Variants in CCSER2 observed in about 807,000 individuals in gnomAD.
CCSER2 encodes the protein coiled-coil serine rich protein 2.
CCSER2 carries 46 observed loss-of-function variants against 92.3 expected under a neutral mutation model. The observed-to-expected ratio is 0.50, with a 90% CI of 0.39 to 0.64. The LOEUF is 0.64. Ranked by LOEUF, CCSER2 falls within the 30% of genes least tolerant of loss-of-function variation. The pLI, the probability that CCSER2 is intolerant of heterozygous loss-of-function variation, is 0.00. For synonymous variants in CCSER2, 433 were observed against 431.4 expected, an observed-to-expected ratio of 1.00 and a Z score of -0.04; for missense variants, 1,244 against 1,238.9, an observed-to-expected ratio of 1.00 and a Z score of -0.06.
rs1849500573 is a variant in CCSER2, at chr10:84,513,928, A to G, written c.2805A>G (p.Pro935=). 1 of 1,536,666 alleles carries G rather than the reference A, an allele frequency of 6.5e-7. No individual in the cohort carries two copies. Among genetic ancestry groups the G allele is most frequent in the Non-Finnish European group, 8.7e-7 (1 of 1,147,006 alleles). Residue 935 remains proline (P), a synonymous_variant, in exon 10 of 10, where the codon CCA becomes CCG. Coordinates refer to ENST00000372088, the MANE Select transcript of CCSER2 (RefSeq NM_001284240.2). The stretch of plus-strand genomic sequence containing the variant: ...TATTGAGTTCTTTGGTACCGCCTCC[A>G]GTTTCTGAATCATCTCCAAGTAGGA... The part of the protein sequence containing the change: ...PSILSSLVPP[P]VSESSPSRTP...
chr10:84,498,204 G>T (rs770121995), intron 9 of CCSER2, among the ~76,000 whole-genome samples: 3 of 152,174 alleles, frequency 2.0e-5, no homozygotes, highest in Non-Finnish European at 2.9e-5. Flanking sequence ...TCTGCAAAAC[G>T]CATAGGGAGG....
At chr10:84,429,872 GA>G (rs76476227) in intron 5 of CCSER2, among the ~76,000 whole-genome samples, 75,807 of 145,994 alleles carry the variant, frequency 0.52, 21,006 homozygotes, top group East Asian at 0.67. Context: ...CAAAAAATTT[GA>G]AAAAAAAAAA....
At chr10:84,364,746 GTT>G (rs34211688) in intron 1 of CCSER2, among the ~76,000 whole-genome samples, 1 of 139,442 alleles carries the variant, frequency 7.2e-6, no homozygotes, top group African/African-American at 2.6e-5. Context: ...ATTTTTTTTT[GTT>G]TTTTTTTTTT....
chr10:84,392,316 CAAAA>C (rs71473611), intron 3 of CCSER2, among the ~76,000 whole-genome samples: 2 of 53,858 alleles, frequency 3.7e-5, no homozygotes, highest in African/African-American at 9.6e-5. Flanking sequence ...TCTGAAGAAG[CAAAA>C]AAAAAAAAAA....
chr10:84,350,972 G>A (rs1281682560), intron 1 of CCSER2, among the ~76,000 whole-genome samples: 1 of 152,090 alleles, frequency 6.6e-6, no homozygotes, highest in Non-Finnish European at 1.5e-5. Context: ...TATAATCTTT[G>A]GTCCAGTCAT....
At chr10:84,510,569 G>A (rs1390573423) in intron 9 of CCSER2, among the ~76,000 whole-genome samples, 1 of 152,130 alleles carries the variant, frequency 6.6e-6, no homozygotes, top group African/African-American at 2.4e-5. Context: ...ATGAGGATAT[G>A]GGATCTTTTT....
intron 3 of CCSER2, among the ~76,000 whole-genome samples, chr10:84,399,506 G>A (rs1425534343): frequency 1.3e-5 from 2 of 152,068 alleles, no homozygotes; most frequent in African/African-American, 2.4e-5. Flanking sequence ...ATTAGAAGTC[G>A]GGATGAGTGT....
intron 1 of CCSER2, among the ~76,000 whole-genome samples, chr10:84,332,572 G>A (rs1035427925): frequency 7.3e-5 from 11 of 149,916 alleles, no homozygotes; most frequent in African/African-American, 1.2e-4. Context: ...CCCAGTAGCT[G>A]GGACTACAGG....
chr10:84,497,207 G>A (rs560672217), intron 9 of CCSER2, among the ~76,000 whole-genome samples: 2 of 152,334 alleles, frequency 1.3e-5, no homozygotes, highest in East Asian at 3.9e-4. Flanking sequence ...ATTTAGGCAG[G>A]ATCAGGAAAA....
intron 6 of CCSER2, among the ~76,000 whole-genome samples, chr10:84,457,300 TAA>T (rs1845741805): frequency 3.1e-5 from 2 of 63,512 alleles, no homozygotes; most frequent in South Asian, 3.5e-4. Context: ...ATATTATATA[TAA>T]TATGTTATAT....
At chr10:84,400,544 G>T (rs1275094730) in intron 3 of CCSER2, among the ~76,000 whole-genome samples, 1 of 152,056 alleles carries the variant, frequency 6.6e-6, no homozygotes, top group Non-Finnish European at 1.5e-5. Flanking sequence ...TTATGTTTTT[G>T]TATATGGTGT....
At position 84,371,527 on chromosome 10, in the gene CCSER2, G is replaced by GGAA. The variant is rs1198730822; in HGVS notation, c.477_479dup (p.Arg160dup). 1 of 1,613,592 alleles carries GGAA rather than the reference G, an allele frequency of 6.2e-7. No individual in the cohort carries two copies. The highest frequency in any genetic ancestry group is 8.5e-7 in the Non-Finnish European group (1 of 1,179,774). On this transcript the variant is annotated inframe_insertion, in exon 2 of 10. Coordinates refer to ENST00000372088, the MANE Select transcript of CCSER2 (RefSeq NM_001284240.2). ...TAAATTCACCAAAGGCACATTATTA[G>GGAA]GAAGGACTTCATATTCTTCGATCAA...
At chr10:84,419,552 A>G (rs1843039493) in intron 4 of CCSER2, among the ~76,000 whole-genome samples, 1 of 152,166 alleles carries the variant, frequency 6.6e-6, no homozygotes, top group South Asian at 2.1e-4. Context: ...AGGACATTGC[A>G]TGTATAATTC....
chr10:84,424,664 G>A (rs1843335067), intron 4 of CCSER2, among the ~76,000 whole-genome samples: 1 of 151,348 alleles, frequency 6.6e-6, no homozygotes, highest in South Asian at 2.1e-4. Flanking sequence ...AAATAAGCGA[G>A]GTTTTTTTTT....
At chr10:84,491,656 A>G (rs1342730623) in intron 9 of CCSER2, among the ~76,000 whole-genome samples, 2 of 152,096 alleles carry the variant, frequency 1.3e-5, no homozygotes, top group Non-Finnish European at 2.9e-5. Context: ...CCCTTGGCTA[A>G]GAAAGGGAAT....
At chr10:84,468,630 C>T (rs1012787786) in intron 7 of CCSER2, among the ~76,000 whole-genome samples, 6 of 152,154 alleles carry the variant, frequency 3.9e-5, no homozygotes, top group South Asian at 4.1e-4. Flanking sequence ...TAACACAGTC[C>T]GAACCTACTG....
intron 1 of CCSER2, among the ~76,000 whole-genome samples, chr10:84,355,527 C>G (rs1384653410): frequency 6.6e-6 from 1 of 152,194 alleles, no homozygotes; most frequent in African/African-American, 2.4e-5. Context: ...CCCCCATGTG[C>G]TACCCCATAT....
chr10:84,351,601 C>G (rs1466768952), intron 1 of CCSER2, among the ~76,000 whole-genome samples: 1 of 152,140 alleles, frequency 6.6e-6, no homozygotes, highest in Non-Finnish European at 1.5e-5. Context: ...AACTCCTGGG[C>G]TTAAGTGATC....
At position 84,336,666 on chromosome 10, in the gene CCSER2, G is replaced by GTGGGT. The variant is rs1479453062; in HGVS notation, c.-40+7868_-40+7872dup. ...ATGATTGGTAGATGAGGTCAGAGAG[G>GTGGGT]TGGGTTGGGTTGGGGGGATATGCCT... is the stretch of plus-strand genomic sequence containing the variant. On this transcript the variant is annotated intron_variant, in intron 1 of 9. Transcript: ENST00000372088. Among the ~76,000 whole-genome samples, 7 of 152,298 alleles carry GTGGGT rather than the reference G, an allele frequency of 4.6e-5. No homozygotes were observed. The East Asian group carries it at 1.3e-3, about 29-fold the overall frequency.
Sources: gnomAD v4.1 joint callset for allele counts (sites outside exome capture counted in the v4.1 genomes callset) on GRCh38, gnomAD v4.1.1 for gene constraint, MANE v1.5 for transcripts, NCBI Gene and HGNC (gene_info 2026-07-23, HGNC 2026-07-21) for gene names.